Variants in GNA14 observed in about 807,000 individuals in gnomAD.
The protein encoded by GNA14 is G protein subunit alpha 14.
GNA14 carries 50 observed loss-of-function variants against 42.0 expected under a neutral mutation model. The ratio of observed to expected loss-of-function variants is 1.19; its 90% confidence interval spans 0.95 to 1.51. GNA14 has a LOEUF of 1.51. Ranked by LOEUF, GNA14 falls within the 40% of genes most tolerant of loss-of-function variation. The probability of loss-of-function intolerance (pLI) is 0.00; values close to 1 mark genes in which losing one functional copy is unlikely to be tolerated. For missense variants in GNA14, 473 were observed against 446.2 expected, an observed-to-expected ratio of 1.06 and a Z score of -0.54; for synonymous variants, 173 against 163.1, an observed-to-expected ratio of 1.06 and a Z score of -0.46.
chr9:77,517,288 G>A (rs1473990023), intron 2 of GNA14, among the ~76,000 whole-genome samples: 3 of 151,534 alleles, frequency 2.0e-5, no homozygotes, highest in Admixed American at 1.3e-4. Flanking sequence ...GGGAGGGGCC[G>A]CTCATTCATT....
intron 1 of GNA14, among the ~76,000 whole-genome samples, chr9:77,570,805 A>G (rs1823047781): frequency 6.6e-6 from 1 of 152,154 alleles, no homozygotes; most frequent in Non-Finnish European, 1.5e-5. Flanking sequence ...CTTTTGTGGA[A>G]TTACCACAGT....
intron 1 of GNA14, among the ~76,000 whole-genome samples, chr9:77,538,418 T>C (rs896911840): frequency 2.0e-5 from 3 of 152,158 alleles, no homozygotes; most frequent in Admixed American, 6.6e-5. Flanking sequence ...ATTCAGGCTC[T>C]TTTTTGCTTC....
intron 2 of GNA14, among the ~76,000 whole-genome samples, chr9:77,469,534 C>A (rs200597178): frequency 6.2e-5 from 9 of 144,912 alleles, no homozygotes; most frequent in South Asian, 2.2e-4. Context: ...GACTGACAAC[C>A]AAAAAAAAAA....
chr9:77,487,643 A>AAC (rs1836683564), intron 2 of GNA14, among the ~76,000 whole-genome samples: 1 of 152,220 alleles, frequency 6.6e-6, no homozygotes, highest in African/African-American at 2.4e-5. Flanking sequence ...GTCCTAACCC[A>AAC]ACACAAGTCA....
chr9:77,490,918 G>A (rs1481311398), intron 2 of GNA14, among the ~76,000 whole-genome samples: 1 of 152,240 alleles, frequency 6.6e-6, no homozygotes, highest in Non-Finnish European at 1.5e-5. Flanking sequence ...CAAGGGCTGT[G>A]AGGACTGCCA....
intron 1 of GNA14, among the ~76,000 whole-genome samples, chr9:77,633,046 C>T (rs1171561485): frequency 6.6e-6 from 1 of 152,146 alleles, no homozygotes; most frequent in Non-Finnish European, 1.5e-5. Flanking sequence ...TGTTATGAAA[C>T]ACCCAGGCAC....
intron 2 of GNA14, among the ~76,000 whole-genome samples, chr9:77,502,745 G>T (rs933856622): frequency 1.3e-5 from 2 of 152,194 alleles, no homozygotes; most frequent in African/African-American, 4.8e-5. Flanking sequence ...AAGAAGGGGG[G>T]TTGGGTGAGA....
At chr9:77,600,488 C>A (rs955668520) in intron 1 of GNA14, among the ~76,000 whole-genome samples, 15 of 152,324 alleles carry the variant, frequency 9.8e-5, no homozygotes, top group Non-Finnish European at 2.1e-4. Flanking sequence ...TCCAGTCTTT[C>A]CTGCACAGGC....
rs556394482 is a variant in GNA14 at position 77,434,830 on chromosome 9, G to C, written c.310-308C>G. Among the ~76,000 whole-genome samples the C allele has an allele frequency of 2.0e-5, 3 of 152,238 alleles. No homozygotes were observed. The East Asian group carries it at 5.8e-4, about 29-fold the overall frequency. ...AACAACACCCAGTGGTGAATAAAGAGTCACTGGAGCTTTCATCCTACCAGC... is the reference window on the plus strand; with the variant it reads ...AACAACACCCAGTGGTGAATAAAGACTCACTGGAGCTTTCATCCTACCAGC... On this transcript the variant is annotated intron_variant, in intron 2 of 6. Coordinates refer to ENST00000341700, the MANE Select transcript of GNA14 (RefSeq NM_004297.4).
At chr9:77,564,244 C>A (rs1822929199) in intron 1 of GNA14, among the ~76,000 whole-genome samples, 1 of 151,036 alleles carries the variant, frequency 6.6e-6, no homozygotes, top group South Asian at 2.1e-4. Context: ...AGATGGAAGT[C>A]TCCAGAGATT....
At position 77,624,160 on chromosome 9, in the gene GNA14, C is replaced by G. The variant is rs537942173; in HGVS notation, c.124+23510G>C. 2.0e-5 allele frequency among the ~76,000 whole-genome samples: 3 copies of G among 152,270 alleles called. No individual in the cohort carries two copies. In the South Asian group the frequency reaches 6.2e-4, roughly 32 times the overall value. On this transcript the variant is annotated intron_variant, in intron 1 of 6. Coordinates refer to ENST00000341700, the MANE Select transcript of GNA14 (RefSeq NM_004297.4). ...GTGTAAACAAAGCAGCAGGGAAGTT[C>G]CAACAGAGCAGATCCCCCCACAGCA...
chr9:77,452,566 G>GTAGTATC (rs1196317992), intron 2 of GNA14, among the ~76,000 whole-genome samples: 14 of 9,714 alleles, frequency 1.4e-3, no homozygotes, highest in East Asian at 9.3e-3. Flanking sequence ...GTGTGTGTGT[G>GTAGTATC]TGTGTATGTG....
intron 1 of GNA14, among the ~76,000 whole-genome samples, chr9:77,564,296 T>A (rs368123388): frequency 3.9e-4 from 52 of 134,836 alleles, no homozygotes; most frequent in South Asian, 1.9e-3. Context: ...CAGCACAATT[T>A]AAAAAAAAAA....
chr9:77,580,628 A>T, intron 1 of GNA14: 1 of 402,158 alleles, frequency 2.5e-6, no homozygotes. Context: ...ACTTCGGCTG[A>T]CCTCCTCTCA....
intron 1 of GNA14, among the ~76,000 whole-genome samples, chr9:77,607,666 G>A (rs1823661265): frequency 6.6e-6 from 1 of 152,146 alleles, no homozygotes; most frequent in Non-Finnish European, 1.5e-5. Flanking sequence ...TTAGGGCTGG[G>A]TGGCTTAACA....
chr9:77,513,955 CTT>C (rs35341734), intron 2 of GNA14, among the ~76,000 whole-genome samples: 3 of 148,008 alleles, frequency 2.0e-5, no homozygotes, highest in South Asian at 2.1e-4. Context: ...CCCTTCAGCA[CTT>C]TTTTTTTTTG....
At chr9:77,572,958 G>A (rs1823081535) in intron 1 of GNA14, among the ~76,000 whole-genome samples, 1 of 152,140 alleles carries the variant, frequency 6.6e-6, no homozygotes, top group Non-Finnish European at 1.5e-5. Flanking sequence ...AATAAACTAT[G>A]ACTAATAAGC....
chr9:77,519,903 G>A (rs531834838), intron 2 of GNA14, among the ~76,000 whole-genome samples: 6 of 152,186 alleles, frequency 3.9e-5, no homozygotes, highest in Non-Finnish European at 5.9e-5. Context: ...CCAGCTACTC[G>A]GGGGACTGAG....
At chr9:77,569,141 A>T (rs751805542) in intron 1 of GNA14, among the ~76,000 whole-genome samples, 8 of 150,590 alleles carry the variant, frequency 5.3e-5, no homozygotes, top group Non-Finnish European at 1.0e-4. Context: ...CAGCCTCATG[A>T]ATCTCTTTTG....
Sources: gnomAD v4.1 joint callset for allele counts (sites outside exome capture counted in the v4.1 genomes callset) on GRCh38, gnomAD v4.1.1 for gene constraint, MANE v1.5 for transcripts, NCBI Gene and HGNC (gene_info 2026-07-23, HGNC 2026-07-21) for gene names.